Variants in NMU observed in about 807,000 individuals in gnomAD.
NMU encodes the protein neuromedin U, also known as neuromedin-U.
In NMU, 29 loss-of-function variants were observed where a neutral mutation model predicts 35.4. That is an observed-to-expected ratio of 0.82 (90% CI 0.61 to 1.12). NMU has a LOEUF of 1.12. Among genes scored for constraint, NMU ranks in the 50% most tolerant of loss-of-function variants. The pLI, the probability that NMU is intolerant of heterozygous loss-of-function variation, is 0.00. For synonymous variants in NMU, 78 were observed against 81.3 expected (o/e 0.96, Z 0.22); for missense variants, 199 against 206.2 (o/e 0.97, Z 0.21).
intron 2 of NMU, among the ~76,000 whole-genome samples, chr4:55,629,615 C>CA (rs10581873): frequency 7.9e-5 from 7 of 88,768 alleles, no homozygotes; most frequent in African/African-American, 1.6e-4. Flanking sequence ...GACCATGTCT[C>CA]AAAAAAAAAA....
chr4:55,633,628 C>T (rs969572178), intron 1 of NMU, among the ~76,000 whole-genome samples: 1 of 152,088 alleles, frequency 6.6e-6, no homozygotes, highest in African/African-American at 2.4e-5. Context: ...ACACAGTATA[C>T]GCTGGAAATA....
intron 4 of NMU, 29 bp from the exon 5 acceptor site, chr4:55,607,495 T>C (rs1733740944): frequency 1.3e-6 from 1 of 780,676 alleles, no homozygotes; most frequent in Admixed American, 2.7e-5. Flanking sequence ...GTATATATCA[T>C]TATATATTGT....
At position 55,599,197 on chromosome 4, in the gene NMU, T is replaced by C; in HGVS notation, c.490-16A>G. 1 of 1,595,882 alleles carries C rather than the reference T, an allele frequency of 6.3e-7. No individual in the cohort carries two copies. The highest frequency in any genetic ancestry group is 8.6e-7 in the Non-Finnish European group (1 of 1,163,722). On this transcript the variant is annotated splice_polypyrimidine_tract_variant and intron_variant, in intron 8 of 9. Coordinates refer to ENST00000264218, the MANE Select transcript of NMU (RefSeq NM_006681.4). ...CATTCCGTGGCTGAAAAATAATAGA[T>C]TAGAAATAAATCAGTGTAACTAAAG... is the stretch of plus-strand genomic sequence containing the variant.
intron 8 of NMU, among the ~76,000 whole-genome samples, 196 bp downstream of exon 8, chr4:55,600,326 G>A (rs1437139078): frequency 1.3e-5 from 2 of 152,138 alleles, no homozygotes; most frequent in East Asian, 3.8e-4. Context: ...ATAGGTCAAA[G>A]AAGAGATCAG....
At chr4:55,616,819 A>G (rs1734123330) in intron 2 of NMU, among the ~76,000 whole-genome samples, 1 of 152,210 alleles carries the variant, frequency 6.6e-6, no homozygotes, top group Admixed American at 6.5e-5. Context: ...GATAAACAGC[A>G]TACCAGAAAA....
chr4:55,616,745 G>T (rs1369334816), intron 2 of NMU, among the ~76,000 whole-genome samples: 1 of 152,152 alleles, frequency 6.6e-6, no homozygotes, highest in Non-Finnish European at 1.5e-5. Flanking sequence ...CAGACCTTTG[G>T]TTATCATATG....
intron 1 of NMU, among the ~76,000 whole-genome samples, chr4:55,635,123 G>T (rs1314826682): frequency 6.6e-6 from 1 of 152,144 alleles, no homozygotes; most frequent in Non-Finnish European, 1.5e-5. Context: ...GAAGCTAAGA[G>T]AACCTTCTGC....
At chr4:55,607,578 G>A (rs938292885) in intron 4 of NMU, 112 bp from the exon 5 acceptor site, 1 of 386,082 alleles carries the variant, frequency 2.6e-6, no homozygotes, top group African/African-American at 2.1e-5. Flanking sequence ...CATGACTCAT[G>A]TTACATATAA....
rs1733630543 is a variant in NMU, at chr4:55,605,256, T to G, written c.435+19A>C. The G allele has an allele frequency of 6.4e-7, 1 of 1,560,088 alleles. No homozygotes were observed. The highest frequency in any genetic ancestry group is 1.4e-5 in the African/African-American group (1 of 73,912). ...CCCACACGGAATGGCAAAGCCAGCATGCAGTTTGTATTACATACGTCCACT... is the reference window on the plus strand; with the variant it reads ...CCCACACGGAATGGCAAAGCCAGCAGGCAGTTTGTATTACATACGTCCACT... On this transcript the variant is annotated intron_variant, in intron 7 of 9. Coordinates refer to ENST00000264218, the MANE Select transcript of NMU (RefSeq NM_006681.4).
chr4:55,634,008 C>T lies in NMU; in HGVS notation c.112+2073G>A, dbSNP rs547425162. On this transcript the variant is annotated intron_variant, in intron 1 of 9. Coordinates refer to ENST00000264218, the MANE Select transcript of NMU (RefSeq NM_006681.4). Reference sequence around the variant, plus strand: ...ATCTGTGGCTGACCCTTTATCTTCGCATGGCCATTGTATGCTCTAATTGTT... The same window carrying T: ...ATCTGTGGCTGACCCTTTATCTTCGTATGGCCATTGTATGCTCTAATTGTT... 3.9e-5 allele frequency among the ~76,000 whole-genome samples: 6 copies of T among 152,300 alleles called. No individual in the cohort carries two copies. The South Asian group carries it at 1.0e-3, about 26-fold the overall frequency.
chr4:55,616,773 A>C (rs1207594932), intron 2 of NMU, among the ~76,000 whole-genome samples: 1 of 152,222 alleles, frequency 6.6e-6, no homozygotes, highest in Non-Finnish European at 1.5e-5. Context: ...ATGACACATG[A>C]ACCTAATGTC....
In NMU at chr4:55,609,190, T is replaced by C. The variant is rs1733829207; in HGVS notation, c.220-11A>G. On this transcript the variant is annotated splice_polypyrimidine_tract_variant and intron_variant, in intron 3 of 9. Coordinates refer to ENST00000264218, the MANE Select transcript of NMU (RefSeq NM_006681.4). ...CAGTGCGTTGGATGCCTAACAGAAA[T>C]GAGAAGATATGTAAGTTATGCTTCT... 1 of 1,599,934 alleles carries C rather than the reference T, an allele frequency of 6.3e-7. No individual in the cohort carries two copies. The highest frequency in any genetic ancestry group is 8.6e-7 in the Non-Finnish European group (1 of 1,167,028).
At chr4:55,603,213 T>C (rs1733496979) in intron 7 of NMU, among the ~76,000 whole-genome samples, 1 of 152,044 alleles carries the variant, frequency 6.6e-6, no homozygotes, top group Non-Finnish European at 1.5e-5. Context: ...GATTTCATCA[T>C]GATGGACAGG....
chr4:55,618,770 C>G (rs1416090165), intron 2 of NMU, among the ~76,000 whole-genome samples: 1 of 135,226 alleles, frequency 7.4e-6, no homozygotes. Flanking sequence ...CTCTCTCTTT[C>G]TTCTCTTTCT....
intron 2 of NMU, among the ~76,000 whole-genome samples, chr4:55,625,137 G>GTGC (rs1195853260): frequency 1.8e-5 from 2 of 110,082 alleles, no homozygotes; most frequent in Non-Finnish European, 3.5e-5. Flanking sequence ...CCTGCACAAA[G>GTGC]TGCACATGTA....
Position 55,607,481 on chromosome 4 carries a change from T to G in NMU, c.280-15A>C. ...TCATCTTGTTCCTATTGAAAAGAGATATTGTATATATCATTATATATTGTA... is the reference window on the plus strand; with the variant it reads ...TCATCTTGTTCCTATTGAAAAGAGAGATTGTATATATCATTATATATTGTA... On this transcript the variant is annotated splice_polypyrimidine_tract_variant and intron_variant, in intron 4 of 9. Transcript: ENST00000264218. 1.2e-6 allele frequency: 1 copy of G among 866,416 alleles called. No individual in the cohort carries two copies. Among genetic ancestry groups the G allele is most frequent in the Non-Finnish European group, 1.9e-6 (1 of 538,336 alleles). The allele number at this position is 866,416 out of a possible 1,614,324, so 53.7% of individuals were successfully genotyped here.
At chr4:55,626,742 A>G (rs1033580573) in intron 2 of NMU, among the ~76,000 whole-genome samples, 1 of 152,084 alleles carries the variant, frequency 6.6e-6, no homozygotes, top group Non-Finnish European at 1.5e-5. Flanking sequence ...CAAAAAACCA[A>G]CAAAGGCCCT....
At chr4:55,631,952 G>C (rs1453429828) in intron 1 of NMU, among the ~76,000 whole-genome samples, 1 of 152,212 alleles carries the variant, frequency 6.6e-6, no homozygotes, top group African/African-American at 2.4e-5. Context: ...AGAAAATGTG[G>C]TCAATATATA....
intron 2 of NMU, among the ~76,000 whole-genome samples, chr4:55,627,047 T>C (rs1210589112): frequency 6.6e-6 from 1 of 152,178 alleles, no homozygotes; most frequent in African/African-American, 2.4e-5. Context: ...AGTCATTTAT[T>C]CTCAGGCACT....
Sources: allele counts gnomAD v4.1 joint callset (sites outside exome capture counted in the v4.1 genomes callset), GRCh38; gene constraint gnomAD v4.1.1; transcripts MANE v1.5; gene names NCBI Gene and HGNC (gene_info 2026-07-23, HGNC 2026-07-21).